The following ACVR2A variants were observed in gnomAD, a reference collection of about 807,000 sequenced individuals.
The protein encoded by ACVR2A is activin receptor type-2A.
Under a neutral mutation model 61.4 loss-of-function variants are expected in ACVR2A, and 7 were observed. The observed-to-expected ratio is 0.11, with a 90% CI of 0.06 to 0.21. The LOEUF (loss-of-function observed/expected upper bound fraction) is 0.21. ACVR2A is among the 10% of genes least tolerant of loss of function. The pLI is 1.00. For missense variants in ACVR2A, 322 were observed against 621.7 expected (o/e 0.52, Z 5.13); for synonymous variants, 193 against 208.3 (o/e 0.93, Z 0.63).
intron 4 of ACVR2A, among the ~76,000 whole-genome samples, chr2:147,902,354 T>G (rs1403647513): frequency 6.6e-6 from 1 of 152,004 alleles, no homozygotes; most frequent in Non-Finnish European, 1.5e-5. Flanking sequence ...GCTTTGTTCT[T>G]ATTACTTACG....
intron 1 of ACVR2A, among the ~76,000 whole-genome samples, chr2:147,865,160 G>A (rs1432118680): frequency 1.3e-5 from 2 of 152,232 alleles, no homozygotes; most frequent in East Asian, 3.9e-4. Context: ...CGAGGATAGG[G>A]ATTGTGGCCC....
chr2:147,851,831 C>G (rs1418315302), intron 1 of ACVR2A, among the ~76,000 whole-genome samples: 3 of 152,036 alleles, frequency 2.0e-5, no homozygotes, highest in African/African-American at 7.2e-5. Context: ...TTCCTGGAAC[C>G]TGGTACACAA....
chr2:147,908,632 A>G (rs1687045618), intron 4 of ACVR2A, among the ~76,000 whole-genome samples: 1 of 152,150 alleles, frequency 6.6e-6, no homozygotes, highest in African/African-American at 2.4e-5. Flanking sequence ...TTCTGTTTCT[A>G]TTCTGCTTGG....
chr2:147,851,370 G>A (rs1370821603), intron 1 of ACVR2A, among the ~76,000 whole-genome samples: 2 of 151,520 alleles, frequency 1.3e-5, no homozygotes, highest in African/African-American at 4.8e-5. Flanking sequence ...ACCTTTGTGT[G>A]CCTCAGTTTT....
At chr2:147,918,700 C>A (rs1037995711) in intron 7 of ACVR2A, 108 bp downstream of exon 7, 7 of 926,610 alleles carry the variant, frequency 7.6e-6, no homozygotes, top group South Asian at 2.6e-5. Flanking sequence ...TCATGCTTTA[C>A]AAGACAGTCA....
At chr2:147,887,663 G>T (rs1207665180) in intron 1 of ACVR2A, among the ~76,000 whole-genome samples, 1 of 152,098 alleles carries the variant, frequency 6.6e-6, no homozygotes, top group East Asian at 1.9e-4. Context: ...ATATGTATAT[G>T]TTGTGGGATG....
chr2:147,916,100 TG>T (rs1001700251), intron 5 of ACVR2A, among the ~76,000 whole-genome samples: 1 of 151,920 alleles, frequency 6.6e-6, no homozygotes, highest in African/African-American at 2.4e-5. Context: ...GCAGTTTCTT[TG>T]TCTTAATATA....
chr2:147,887,244 A>G (rs560608159), intron 1 of ACVR2A, among the ~76,000 whole-genome samples: 3 of 152,178 alleles, frequency 2.0e-5, no homozygotes, highest in African/African-American at 7.2e-5. Flanking sequence ...AAGGGAAACT[A>G]GTGAAAATGT....
At chr2:147,883,314 C>A (rs532252185) in intron 1 of ACVR2A, among the ~76,000 whole-genome samples, 1 of 152,278 alleles carries the variant, frequency 6.6e-6, no homozygotes, top group South Asian at 2.1e-4. Context: ...CCTCAGCCTC[C>A]CGAGTAGCTG....
At chr2:147,863,670 G>C (rs1233282030) in intron 1 of ACVR2A, among the ~76,000 whole-genome samples, 1 of 152,180 alleles carries the variant, frequency 6.6e-6, no homozygotes, top group Non-Finnish European at 1.5e-5. Context: ...AGTGGAAGTA[G>C]ATTAGTCTTG....
At chr2:147,865,666 GCTGATT>G (rs1376797098) in intron 1 of ACVR2A, among the ~76,000 whole-genome samples, 1 of 152,106 alleles carries the variant, frequency 6.6e-6, no homozygotes, top group Non-Finnish European at 1.5e-5. Flanking sequence ...GAGTTACCTT[GCTGATT>G]CTGATCTCCC....
intron 1 of ACVR2A, among the ~76,000 whole-genome samples, chr2:147,890,710 CTT>C (rs1396113977): frequency 1.3e-5 from 2 of 152,126 alleles, no homozygotes; most frequent in African/African-American, 2.4e-5. Flanking sequence ...GTCGTTAAAA[CTT>C]AATATACATA....
rs541620845 is a variant in ACVR2A, at chr2:147,916,345, T to C, written c.673-938T>C. 1.4e-3 allele frequency among the ~76,000 whole-genome samples: 214 copies of C among 152,032 alleles called. 5 individuals carry two copies. In the South Asian group the frequency reaches 0.043, roughly 31 times the overall value. ...TAAAGCTCAGAGAAAGGCATTTGGA[T>C]GATATTAACAAGCCCGACAACAGCA... On this transcript the variant is annotated intron_variant, in intron 5 of 10. Coordinates refer to ENST00000241416, the MANE Select transcript of ACVR2A (RefSeq NM_001616.5).
In ACVR2A at chr2:147,892,668, AATG is replaced by A. The variant is rs113671846; in HGVS notation, c.56-3630_56-3628del. Among the ~76,000 whole-genome samples, 1,184 of 151,950 alleles carry A rather than the reference AATG, an allele frequency of 7.8e-3. 15 individuals carry two copies. Among genetic ancestry groups the A allele is most frequent in the African/African-American group, 0.027 (1,110 of 41,462 alleles). ...AAAATTAGTAAAATTACAGTCTCTT[AATG>A]ATTGTTGTAGTAGAAGAAAACTGGA... On this transcript the variant is annotated intron_variant, in intron 1 of 10. Coordinates refer to ENST00000241416, the MANE Select transcript of ACVR2A (RefSeq NM_001616.5).
intron 8 of ACVR2A, among the ~76,000 whole-genome samples, chr2:147,922,629 GA>G (rs1687410932): frequency 6.6e-6 from 1 of 151,410 alleles, no homozygotes; most frequent in African/African-American, 2.4e-5. Context: ...TTAATACAGA[GA>G]AAAGACCTCA....
intron 1 of ACVR2A, among the ~76,000 whole-genome samples, chr2:147,853,669 G>A (rs1358540349): frequency 6.6e-6 from 1 of 152,054 alleles, no homozygotes; most frequent in African/African-American, 2.4e-5. Flanking sequence ...GTGGGGAGGG[G>A]TTGCCTTTCA....
intron 8 of ACVR2A, among the ~76,000 whole-genome samples, chr2:147,921,252 A>G (rs562155871): frequency 1.1e-4 from 16 of 151,946 alleles, no homozygotes; most frequent in Non-Finnish European, 7.4e-5. Context: ...CCAGGCTTGT[A>G]TCGAGCTCCT....
At chr2:147,859,809 T>C (rs1260478182) in intron 1 of ACVR2A, among the ~76,000 whole-genome samples, 4 of 152,176 alleles carry the variant, frequency 2.6e-5, no homozygotes, top group African/African-American at 9.6e-5. Context: ...TTAACTGTTT[T>C]ACAGATGAGA....
Position 147,899,480 on chromosome 2 carries a change from G to A in ACVR2A, c.286G>A (p.Asp96Asn), listed in dbSNP as rs1309655016. The change falls in exon 3 of 11, where the codon GAC (aspartate) becomes AAC (asparagine). Residue 96 changes from aspartate to asparagine, a missense_variant. Coordinates refer to ENST00000241416, the MANE Select transcript of ACVR2A (RefSeq NM_001616.5). Reference sequence around the variant, plus strand: ...TAGGACTGATTGTGTAGAAAAAAAAGACAGCCCTGAAGTATATTTTTGTTG... The same window carrying A: ...TAGGACTGATTGTGTAGAAAAAAAAAACAGCCCTGAAGTATATTTTTGTTG... ...YDRTDCVEKK[D>N]SPEVYFCCCE... The A allele has an allele frequency of 6.2e-7, 1 of 1,611,124 alleles. No homozygotes were observed. Among genetic ancestry groups the A allele is most frequent in the Non-Finnish European group, 8.5e-7 (1 of 1,178,858 alleles).
Sources: gnomAD v4.1 joint callset for allele counts (sites outside exome capture counted in the v4.1 genomes callset) on GRCh38, gnomAD v4.1.1 for gene constraint, MANE v1.5 for transcripts, NCBI Gene and HGNC (gene_info 2026-07-23, HGNC 2026-07-21) for gene names.